MACROD2: variants seen among roughly 807,000 people sequenced by gnomAD.
MACROD2 encodes mono-ADP ribosylhydrolase 2, also known as ADP-ribose glycohydrolase MACROD2.
Under a neutral mutation model 70.4 loss-of-function variants are expected in MACROD2, and 36 were observed. The ratio of observed to expected loss-of-function variants is 0.51; its 90% CI spans 0.39 to 0.68. The LOEUF is 0.68. MACROD2 is among the 30% of genes least tolerant of loss of function. The pLI is 0.00. For missense variants in MACROD2, 496 were observed against 538.4 expected, an observed-to-expected ratio of 0.92 and a Z score of 0.78; for synonymous variants, 172 against 178.8, an observed-to-expected ratio of 0.96 and a Z score of 0.30.
At chr20:15,604,281 C>T (rs2048863343) in intron 8 of MACROD2, among the ~76,000 whole-genome samples, 1 of 152,180 alleles carries the variant, frequency 6.6e-6, no homozygotes, top group African/African-American at 2.4e-5. Flanking sequence ...TTTTCTCCTT[C>T]CTCCCTCTTT....
chr20:15,938,986 A>G (rs1235867684), intron 12 of MACROD2, among the ~76,000 whole-genome samples: 1 of 152,244 alleles, frequency 6.6e-6, no homozygotes, highest in Non-Finnish European at 1.5e-5. Flanking sequence ...AGAGCAAGGT[A>G]CTAGCCCTCT....
intron 5 of MACROD2, among the ~76,000 whole-genome samples, chr20:15,162,333 A>G (rs555451440): frequency 6.6e-6 from 1 of 152,176 alleles, no homozygotes; most frequent in Non-Finnish European, 1.5e-5. Context: ...GAGAAAATGG[A>G]AGACTAGACC....
At chr20:15,178,056 C>A (rs977795753) in intron 5 of MACROD2, among the ~76,000 whole-genome samples, 1 of 151,876 alleles carries the variant, frequency 6.6e-6, no homozygotes, top group African/African-American at 2.4e-5. Flanking sequence ...AGAATCCATT[C>A]TAACTGTGAA....
intron 6 of MACROD2, among the ~76,000 whole-genome samples, chr20:15,318,222 A>T (rs1299331114): frequency 5.9e-5 from 9 of 152,180 alleles, no homozygotes; most frequent in Admixed American, 1.3e-4. Flanking sequence ...CTAACAAATT[A>T]CAAAACATGG....
intron 5 of MACROD2, among the ~76,000 whole-genome samples, chr20:14,784,089 C>T (rs2072334801): frequency 6.6e-6 from 1 of 152,112 alleles, no homozygotes; most frequent in Non-Finnish European, 1.5e-5. Context: ...ACATCATCTA[C>T]ACTGGCTAAT....
chr20:14,916,563 A>G (rs2074094456), intron 5 of MACROD2, among the ~76,000 whole-genome samples: 1 of 152,202 alleles, frequency 6.6e-6, no homozygotes, highest in South Asian at 2.1e-4. Flanking sequence ...TTCAGGAGCA[A>G]AGTGATTTAT....
intron 7 of MACROD2, among the ~76,000 whole-genome samples, chr20:15,487,021 C>G (rs1425845765): frequency 6.6e-6 from 1 of 152,162 alleles, no homozygotes; most frequent in East Asian, 1.9e-4. Flanking sequence ...CCTTCTTTTT[C>G]ATTTCAGGTA....
chr20:15,580,180 A>G (rs1310498361), intron 8 of MACROD2, among the ~76,000 whole-genome samples: 1 of 152,204 alleles, frequency 6.6e-6, no homozygotes, highest in African/African-American at 2.4e-5. Context: ...TAGATAAAGT[A>G]AAAAAAGAAT....
At chr20:14,456,239 A>T (rs2084300713) in intron 3 of MACROD2, among the ~76,000 whole-genome samples, 1 of 151,872 alleles carries the variant, frequency 6.6e-6, no homozygotes, top group Non-Finnish European at 1.5e-5. Context: ...TCTTTCAGTA[A>T]TAGATCCCAG....
intron 6 of MACROD2, among the ~76,000 whole-genome samples, chr20:15,329,465 C>T (rs1248000796): frequency 6.6e-6 from 1 of 151,984 alleles, no homozygotes; most frequent in African/African-American, 2.4e-5. Context: ...CAGTCAGGTG[C>T]AGTGGCTCAT....
chr20:14,363,891 T>C (rs2083248713), intron 3 of MACROD2, among the ~76,000 whole-genome samples: 2 of 147,820 alleles, frequency 1.4e-5, no homozygotes, highest in South Asian at 4.3e-4. Flanking sequence ...GTTGGGAATG[T>C]GTCAGAAAAA....
chr20:15,623,288 A>G (rs1349574639), intron 8 of MACROD2, among the ~76,000 whole-genome samples: 1 of 152,282 alleles, frequency 6.6e-6, no homozygotes, highest in Non-Finnish European at 1.5e-5. Flanking sequence ...CATCATAGGC[A>G]TAGATAATTT....
chr20:15,224,667 G>A (rs943009795), intron 5 of MACROD2, among the ~76,000 whole-genome samples: 2 of 152,178 alleles, frequency 1.3e-5, no homozygotes, highest in South Asian at 4.1e-4. Context: ...TGCTCTGGCC[G>A]GGTGTGGTGG....
intron 5 of MACROD2, among the ~76,000 whole-genome samples, chr20:14,814,792 CAG>C (rs2072754593): frequency 6.6e-6 from 1 of 151,836 alleles, no homozygotes; most frequent in Non-Finnish European, 1.5e-5. Context: ...GAAATAATTG[CAG>C]AGCGTGGCAC....
chr20:15,579,353 A>G (rs2048492434), intron 8 of MACROD2, among the ~76,000 whole-genome samples: 1 of 152,176 alleles, frequency 6.6e-6, no homozygotes, highest in African/African-American at 2.4e-5. Flanking sequence ...TCAATTCATG[A>G]CCTTTTTTTG....
In MACROD2 at chr20:15,095,964, A is replaced by T. The variant is rs73897258; in HGVS notation, c.419-133976A>T. Reference sequence around the variant, plus strand: ...TCAGAATTGTGAGAATATAGAAGGGATTCACTAAAAGAATTTCTAATATCA... The same window carrying T: ...TCAGAATTGTGAGAATATAGAAGGGTTTCACTAAAAGAATTTCTAATATCA... On this transcript the variant is annotated intron_variant, in intron 5 of 17. Coordinates refer to ENST00000684519, the MANE Select transcript of MACROD2 (RefSeq NM_001351661.2). Among the ~76,000 whole-genome samples, 1,438 of 152,172 alleles carry T rather than the reference A, an allele frequency of 9.4e-3. 11 individuals carry two copies. Among genetic ancestry groups the T allele is most frequent in the Middle Eastern group, 0.014 (4 of 294 alleles).
intron 6 of MACROD2, among the ~76,000 whole-genome samples, chr20:15,331,743 T>G (rs989956588): frequency 1.3e-5 from 2 of 151,610 alleles, no homozygotes; most frequent in Non-Finnish European, 1.5e-5. Flanking sequence ...ATACCTTTTC[T>G]TGTACTTTCT....
intron 10 of MACROD2, among the ~76,000 whole-genome samples, chr20:15,902,418 A>C (rs2065077998): frequency 6.6e-6 from 1 of 152,170 alleles, no homozygotes; most frequent in Non-Finnish European, 1.5e-5. Context: ...TTGGCAGATA[A>C]AAAATGGATA....
chr20:14,566,674 C>A (rs966419099), intron 4 of MACROD2: 3 of 151,986 alleles, frequency 2.0e-5, no homozygotes, highest in African/African-American at 7.2e-5. Flanking sequence ...TCAGAGACAG[C>A]TGCCTTGCCT....
Sources: gnomAD v4.1 joint callset for allele counts (sites outside exome capture counted in the v4.1 genomes callset) on GRCh38, gnomAD v4.1.1 for gene constraint, MANE v1.5 for transcripts, NCBI Gene and HGNC (gene_info 2026-07-23, HGNC 2026-07-21) for gene names.